PCDH15: variants seen among roughly 807,000 people sequenced by gnomAD.
The protein encoded by PCDH15 is protocadherin-15.
PCDH15 carries 129 observed loss-of-function variants against 178.5 expected under a neutral mutation model. The observed-to-expected ratio is 0.72, with a 90% CI of 0.63 to 0.84. The LOEUF is 0.84. PCDH15 is among the 40% of genes least tolerant of loss of function. PCDH15 has a pLI of 0.00. For missense variants in PCDH15, 2,230 were observed against 2,099.9 expected (o/e 1.06, Z -1.21); for synonymous variants, 800 against 732.0 (o/e 1.09, Z -1.50).
chr10:53,910,716 C>T (rs878881244), intron 25 of PCDH15, among the ~76,000 whole-genome samples: 11 of 151,934 alleles, frequency 7.2e-5, no homozygotes, highest in Non-Finnish European at 5.9e-5. Context: ...CAAACTTGTC[C>T]GAGCTAAAGA....
chr10:55,000,250 G>A (rs1269879018), intron 2 of PCDH15, among the ~76,000 whole-genome samples: 4 of 152,096 alleles, frequency 2.6e-5, no homozygotes, highest in Admixed American at 6.5e-5. Flanking sequence ...CTGCTGAAGC[G>A]GCCATTTTAG....
intron 1 of PCDH15, among the ~76,000 whole-genome samples, chr10:54,711,446 A>G (rs969888292): frequency 6.6e-6 from 1 of 151,956 alleles, no homozygotes; most frequent in Non-Finnish European, 1.5e-5. Flanking sequence ...TATTGTCACT[A>G]TGAGTTTTTT....
chr10:54,764,633 C>T (rs1369066021), intron 1 of PCDH15, among the ~76,000 whole-genome samples: 1 of 151,942 alleles, frequency 6.6e-6, no homozygotes, highest in Non-Finnish European at 1.5e-5. Flanking sequence ...ACCTCATGAC[C>T]TCATCTGTTA....
At chr10:54,572,626 GT>G (rs2089983804) in intron 2 of PCDH15, among the ~76,000 whole-genome samples, 1 of 152,038 alleles carries the variant, frequency 6.6e-6, no homozygotes, top group South Asian at 2.1e-4. Flanking sequence ...TATTAAATAT[GT>G]TTTGATGATA....
intron 3 of PCDH15, among the ~76,000 whole-genome samples, chr10:54,415,499 G>T (rs1054172153): frequency 1.3e-5 from 2 of 152,022 alleles, no homozygotes; most frequent in Non-Finnish European, 2.9e-5. Context: ...TGTCAAGAAG[G>T]CAGGAGATTC....
At chr10:55,091,419 T>C (rs1184190944) in intron 2 of PCDH15, among the ~76,000 whole-genome samples, 3 of 151,886 alleles carry the variant, frequency 2.0e-5, no homozygotes, top group African/African-American at 4.8e-5. Flanking sequence ...CCAGGAGTCT[T>C]ACAATGCACT....
intron 2 of PCDH15, among the ~76,000 whole-genome samples, chr10:54,601,377 A>C (rs547676859): frequency 6.6e-6 from 1 of 152,180 alleles, no homozygotes; most frequent in East Asian, 1.9e-4. Context: ...AAAGTATATG[A>C]ACAGACACTT....
At chr10:54,126,118 T>A (rs564954714) in intron 15 of PCDH15, among the ~76,000 whole-genome samples, 1 of 150,760 alleles carries the variant, frequency 6.6e-6, no homozygotes, top group Non-Finnish European at 1.5e-5. Context: ...TGGCCCAGGC[T>A]GGTGTGCAGT....
chr10:54,613,493 T>TCACACACACACACA lies in PCDH15; in HGVS notation c.91+50678_91+50679insTGTGTGTGTGTGTG, dbSNP rs1164192874. On this transcript the variant is annotated intron_variant, in intron 2 of 37. Transcript: ENST00000644397. ...CTTCAGTCTCTCTTTTGTCTCTCTCTCACACACACATACACACACACACAC... is the reference window on the plus strand; with the variant it reads ...CTTCAGTCTCTCTTTTGTCTCTCTCTCACACACACACACACACACACACATACACACACACACAC... Among the ~76,000 whole-genome samples, 148 of 144,166 alleles carry TCACACACACACACA rather than the reference T, an allele frequency of 1.0e-3. 1 individual carries two copies. The highest frequency in any genetic ancestry group is 3.6e-3 in the African/African-American group (135 of 37,564). 94.6% of individuals were successfully genotyped at this position (144,166 alleles called of 152,430 possible). A position where few individuals can be genotyped will look rare whatever the true frequency, so the allele number is the denominator to read the frequency against.
intron 2 of PCDH15, chr10:54,606,087 T>C (rs2092728013): frequency 6.6e-6 from 1 of 152,100 alleles, no homozygotes; most frequent in Non-Finnish European, 1.5e-5. Context: ...AGACAGTGAG[T>C]TAGAAGCCAG....
At chr10:54,577,300 G>A (rs1230673517) in intron 2 of PCDH15, among the ~76,000 whole-genome samples, 1 of 149,774 alleles carries the variant, frequency 6.7e-6, no homozygotes, top group African/African-American at 2.5e-5. Context: ...CACCATATTG[G>A]CCAGGATAGT....
intron 2 of PCDH15, among the ~76,000 whole-genome samples, chr10:54,950,480 C>T (rs1301989530): frequency 2.0e-5 from 3 of 152,120 alleles, no homozygotes; most frequent in African/African-American, 4.8e-5. Context: ...TCTCACTTTG[C>T]CTGCTGCCAT....
chr10:55,379,914 A>G (rs530465300), intron 2 of PCDH15, among the ~76,000 whole-genome samples: 1 of 152,302 alleles, frequency 6.6e-6, no homozygotes, highest in East Asian at 1.9e-4. Flanking sequence ...AGAAGTGCTA[A>G]GGGTACTAAA....
At chr10:53,908,993 G>T (rs7088140) in intron 25 of PCDH15, among the ~76,000 whole-genome samples, 98,030 of 152,066 alleles carry the variant, frequency 0.64, 31,974 homozygotes, top group East Asian at 0.88. Context: ...ATTAATTATG[G>T]AAGCATTGTG....
chr10:54,419,042 GTTATT>G (rs1954854554), intron 3 of PCDH15, among the ~76,000 whole-genome samples: 1 of 151,836 alleles, frequency 6.6e-6, no homozygotes. Flanking sequence ...TATTATAGTA[GTTATT>G]TTATCTATTA....
At chr10:54,093,657 C>T (rs977709181) in intron 15 of PCDH15, among the ~76,000 whole-genome samples, 4 of 152,102 alleles carry the variant, frequency 2.6e-5, no homozygotes, top group Admixed American at 6.6e-5. Flanking sequence ...AAAATAATTG[C>T]TTATAATGTG....
chr10:54,438,665 A>G (rs1159756020), intron 3 of PCDH15, among the ~76,000 whole-genome samples: 1 of 152,112 alleles, frequency 6.6e-6, no homozygotes, highest in South Asian at 2.1e-4. Flanking sequence ...GAGGACACCT[A>G]TCAAACTTTC....
intron 15 of PCDH15, 117 bp from the exon 16 acceptor site, chr10:54,090,180 T>A (rs998305297): frequency 2.5e-6 from 2 of 805,126 alleles, no homozygotes; most frequent in South Asian, 3.0e-5. Context: ...TGTTAAAGAA[T>A]AAAGATTAAA....
chr10:55,344,318 A>G (rs1303263348), intron 2 of PCDH15, among the ~76,000 whole-genome samples: 2 of 152,094 alleles, frequency 1.3e-5, no homozygotes, highest in African/African-American at 4.8e-5. Flanking sequence ...GGATACACAC[A>G]TTTGGATTTT....
Sources: allele counts gnomAD v4.1 joint callset (sites outside exome capture counted in the v4.1 genomes callset), GRCh38; gene constraint gnomAD v4.1.1; transcripts MANE v1.5; gene names NCBI Gene and HGNC (gene_info 2026-07-23, HGNC 2026-07-21).